The following RTL1 variants were observed in gnomAD, a reference collection of about 807,000 sequenced individuals.
RTL1 encodes the protein retrotransposon Gag like 1, also known as retrotransposon-like protein 1.
For synonymous variants in RTL1, 727 were observed against 748.4 expected (o/e 0.97, Z 0.47); for missense variants, 1,681 against 1,767.5 (o/e 0.95, Z 0.88).
chr14:100,885,955 G>C (rs2140039856), intron 3 of RTL1, among the ~76,000 whole-genome samples: 2 of 152,214 alleles, frequency 1.3e-5, no homozygotes, highest in South Asian at 4.2e-4. Context: ...TGTGGGGGTT[G>C]GGGGGAACAT....
chr14:100,889,027 T>C (rs1057349080), intron 3 of RTL1, among the ~76,000 whole-genome samples: 1 of 152,212 alleles, frequency 6.6e-6, no homozygotes, highest in Non-Finnish European at 1.5e-5. Flanking sequence ...GTAAAATATA[T>C]TTTATCATGT....
Position 100,883,932 on chromosome 14 carries a change from A to C in RTL1, c.857T>G (p.Val286Gly). 1 of 1,551,654 alleles carries C rather than the reference A, an allele frequency of 6.4e-7. No individual in the cohort carries two copies. Among genetic ancestry groups the C allele is most frequent in the South Asian group, 1.2e-5 (1 of 84,060 alleles). The change falls in exon 4 of 4, where the codon GTG becomes GGG. Residue 286 changes from valine to glycine, a missense_variant. Val to Gly is a moderately radical substitution (Grantham distance 109). Coordinates refer to ENST00000649591, the MANE Select transcript of RTL1 (RefSeq NM_001134888.3). The surrounding 1 kb of genome is among the most constrained non-coding windows in gnomAD (Gnocchi z 5.9). ...GATGGTGAACATGGCCTCTTCTGCC[A>C]CACGCAGTGCCTGGCGGTACTCAAA... ...EVFEYRQALRVAEEAMFTIRQ... is the reference protein window; with the variant it reads ...EVFEYRQALRGAEEAMFTIRQ...
chr14:100,887,819 C>A, intron 3 of RTL1, among the ~76,000 whole-genome samples: 1 of 151,558 alleles, frequency 6.6e-6, no homozygotes, highest in East Asian at 1.9e-4. Flanking sequence ...GTAATTCTGT[C>A]ATCCCTCAAA....
chr14:100,892,244 TTC>T (rs557872302), intron 3 of RTL1, among the ~76,000 whole-genome samples: 144 of 152,166 alleles, frequency 9.5e-4, no homozygotes, highest in Middle Eastern at 6.8e-3. Flanking sequence ...AGTGGAGCTG[TTC>T]TTAGAGTAGG....
At chr14:100,896,207 C>T (rs1212671725) in intron 2 of RTL1, among the ~76,000 whole-genome samples, 3 of 152,090 alleles carry the variant, frequency 2.0e-5, no homozygotes, top group Non-Finnish European at 4.4e-5. Flanking sequence ...CGATTAAGAG[C>T]GAGGCATGCA....
At chr14:100,885,632 G>A (rs1040609744) in intron 3 of RTL1, among the ~76,000 whole-genome samples, 10 of 150,552 alleles carry the variant, frequency 6.6e-5, no homozygotes, top group Middle Eastern at 6.8e-3. Flanking sequence ...TCTCTTTCTC[G>A]ATTTGGTCTC....
rs1343932394 is a variant in RTL1, at chr14:100,893,712, C to T, written c.-148-207G>A. 6.6e-6 allele frequency among the ~76,000 whole-genome samples: 1 copy of T among 152,142 alleles called. No individual in the cohort carries two copies. The highest frequency in any genetic ancestry group is 2.4e-5 in the African/African-American group (1 of 41,458). ...TCCTGAGTGCTTACTATGCGCCAAG[C>T]GCTGCTTTCACCATTTTACAGGTTT... is the stretch of plus-strand genomic sequence containing the variant. On this transcript the variant is annotated intron_variant, in intron 2 of 3. Transcript: ENST00000649591. This position sits in a 1 kb window ranked among gnomAD's most constrained non-coding sequence, Gnocchi z 4.2.
At position 100,881,449 on chromosome 14, in the gene RTL1, G is replaced by T. The variant is rs143429892; in HGVS notation, c.3340C>A (p.Arg1114=). Residue 1114 remains arginine, a synonymous_variant, in exon 4 of 4, where the codon CGG becomes AGG. Transcript: ENST00000649591. This position sits in a 1 kb window ranked among gnomAD's most constrained non-coding sequence, Gnocchi z 6.6. ...CGCTGGGGCTGGGGCCGAGCCACCC[G>T]CATGGCGGGTGCCGGCCGCAGCGAG... ...CLSLRPAPAM[R]VARPQPQRSL... 6.4e-6 allele frequency: 10 copies of T among 1,550,504 alleles called. No individual in the cohort carries two copies. In the Admixed American group the frequency reaches 9.8e-5, roughly 15 times the overall value.
At chr14:100,902,715 C>T (rs925450292) in intron 2 of RTL1, among the ~76,000 whole-genome samples, 7 of 152,228 alleles carry the variant, frequency 4.6e-5, no homozygotes, top group African/African-American at 1.7e-4. Context: ...AAGACAATTC[C>T]CTTTACTTTT....
At chr14:100,897,321 C>T (rs936827466) in intron 2 of RTL1, among the ~76,000 whole-genome samples, 10 of 152,036 alleles carry the variant, frequency 6.6e-5, no homozygotes, top group African/African-American at 1.5e-4. Flanking sequence ...CCCCCCCACA[C>T]AAAATGTTTA....
chr14:100,883,945 G>T lies in RTL1; in HGVS notation c.844C>A (p.Gln282Lys). 2 of 1,551,672 alleles carry T rather than the reference G, an allele frequency of 1.3e-6. No homozygotes were observed. The highest frequency in any genetic ancestry group is 1.7e-6 in the Non-Finnish European group (2 of 1,146,992). The stretch of plus-strand genomic sequence containing the variant: ...GCCTCTTCTGCCACACGCAGTGCCT[G>T]GCGGTACTCAAACACTTCGGACATG... ...EAMSEVFEYR[Q>K]ALRVAEEAMF... is the part of the protein sequence containing the mutation. Residue 282 changes from glutamine (Q) to lysine (K), a missense_variant, in exon 4 of 4, where the codon CAG becomes AAG. By Grantham distance (53) the Gln-to-Lys change is moderately conservative. Transcript: ENST00000649591. This position sits in a 1 kb window ranked among gnomAD's most constrained non-coding sequence, Gnocchi z 5.9.
chr14:100,897,310 T>TC (rs1055761091), intron 2 of RTL1, among the ~76,000 whole-genome samples: 3 of 151,150 alleles, frequency 2.0e-5, no homozygotes, highest in South Asian at 2.1e-4. Flanking sequence ...GCAAATTAAA[T>TC]CCCCCCCACA....
At position 100,882,567 on chromosome 14, in the gene RTL1, C is replaced by T. The variant is rs1428507603; in HGVS notation, c.2222G>A (p.Ser741Asn). 1.3e-6 allele frequency: 2 copies of T among 1,551,760 alleles called. No homozygotes were observed. Among genetic ancestry groups the T allele is most frequent in the South Asian group, 2.4e-5 (2 of 84,054 alleles). Residue 741 changes from serine to asparagine, a missense_variant, in exon 4 of 4, where the codon AGT becomes AAT. Coordinates refer to ENST00000649591, the MANE Select transcript of RTL1 (RefSeq NM_001134888.3). The part of the protein sequence containing the change: ...YGQEVLIYSM[S>N]QEEHLHHVRQ... ...GACGTGGTGGAGGTGCTCCTCCTGACTCATTGAGTAGATCAGGACTTCCTG... is the reference window on the plus strand; with the variant it reads ...GACGTGGTGGAGGTGCTCCTCCTGATTCATTGAGTAGATCAGGACTTCCTG...
At position 100,883,294 on chromosome 14, in the gene RTL1, T is replaced by A; in HGVS notation, c.1495A>T (p.Asn499Tyr). The part of the protein sequence containing the change: ...SIEFDIVPSP[N>Y]FSVVLGIRWL... ...CGGATGCCTAGGACCACAGAGAAGT[T>A]CGGTGAAGGTACGATGTCAAATTCG... The change falls in exon 4 of 4, where the codon AAC becomes TAC. Residue 499 changes from asparagine to tyrosine, a missense_variant. Coordinates refer to ENST00000649591, the MANE Select transcript of RTL1 (RefSeq NM_001134888.3). This position sits in a 1 kb window ranked among gnomAD's most constrained non-coding sequence, Gnocchi z 5.9. 1 of 1,550,878 alleles carries A rather than the reference T, an allele frequency of 6.4e-7. No homozygotes were observed. Among genetic ancestry groups the A allele is most frequent in the South Asian group, 1.2e-5 (1 of 83,980 alleles).
chr14:100,880,894 T>A lies in RTL1; in HGVS notation c.3895A>T (p.Ile1299Phe), dbSNP rs1000267233. 2.3e-5 allele frequency: 30 copies of A among 1,298,582 alleles called. No individual in the cohort carries two copies. Among genetic ancestry groups the A allele is most frequent in the Non-Finnish European group, 2.9e-5 (29 of 1,002,280 alleles). The allele number at this position is 1,298,582 out of a possible 1,614,324, so 80.4% of individuals were successfully genotyped here. Residue 1299 changes from isoleucine (I) to phenylalanine (F), a missense_variant, in exon 4 of 4, where the codon ATC (isoleucine) becomes TTC (phenylalanine). Physicochemically the swap from Ile to Phe is conservative, Grantham distance 21. Transcript: ENST00000649591. ...TGCAGCTGGCCATCTGCACTGTGGA[T>A]GTGGAGCAGGCGGCTACCAAGGAAT... ...LEFLGSRLLH[I>F]HSADGQLHLL... is the part of the protein sequence containing the mutation.
chr14:100,882,256 A>T lies in RTL1; in HGVS notation c.2533T>A (p.Trp845Arg). Residue 845 changes from tryptophan (W) to arginine (R), a missense_variant, in exon 4 of 4, where the codon TGG becomes AGG. Trp to Arg is a moderately radical substitution (Grantham distance 101). Transcript: ENST00000649591. The part of the protein sequence containing the change: ...RQLLSSYQFY[W>R]GVEEQEAFEC... ...AAGGCCTCTTGCTCCTCGACTCCCC[A>T]GTAGAACTGGTAGGAGCTCAGCAGC... 1 of 1,551,530 alleles carries T rather than the reference A, an allele frequency of 6.4e-7. No homozygotes were observed. The highest frequency in any genetic ancestry group is 8.7e-7 in the Non-Finnish European group (1 of 1,147,014).
In RTL1 at chr14:100,881,487, A is replaced by T; in HGVS notation, c.3302T>A (p.Val1101Glu). Residue 1101 changes from valine (V) to glutamate (E), a missense_variant, in exon 4 of 4, where the codon GTG becomes GAG. Val to Glu is a moderately radical substitution (Grantham distance 121). Coordinates refer to ENST00000649591, the MANE Select transcript of RTL1 (RefSeq NM_001134888.3). The surrounding 1 kb of genome is among the most constrained non-coding windows in gnomAD (Gnocchi z 6.6). Reference sequence around the variant, plus strand: ...CGGCCGCAGCGAGAGGCATTGCCTCACGCGCAGTAGCACGAGGATGGCTGC... The same window carrying T: ...CGGCCGCAGCGAGAGGCATTGCCTCTCGCGCAGTAGCACGAGGATGGCTGC... ...ALAAILVLLRVRQCLSLRPAP... is the reference protein window; with the variant it reads ...ALAAILVLLRERQCLSLRPAP... 1 of 1,551,434 alleles carries T rather than the reference A, an allele frequency of 6.4e-7. No homozygotes were observed. The highest frequency in any genetic ancestry group is 1.2e-5 in the South Asian group (1 of 84,056).
intron 2 of RTL1, among the ~76,000 whole-genome samples, chr14:100,896,773 G>C (rs2038862097): frequency 6.6e-6 from 1 of 152,132 alleles, no homozygotes; most frequent in East Asian, 1.9e-4. Flanking sequence ...TGTGTGTTTT[G>C]CACAGGAATC....
chr14:100,890,467 G>C (rs1334384926), intron 3 of RTL1, among the ~76,000 whole-genome samples: 1 of 130,994 alleles, frequency 7.6e-6, no homozygotes, highest in African/African-American at 2.8e-5. Context: ...CGGGGTGGGG[G>C]AATTAGGGGA....
Sources: allele counts gnomAD v4.1 joint callset (sites outside exome capture counted in the v4.1 genomes callset), GRCh38; gene constraint gnomAD v4.1.1; non-coding constraint Gnocchi (gnomAD v3.1); transcripts MANE v1.5; gene names NCBI Gene and HGNC (gene_info 2026-07-23, HGNC 2026-07-21).